The following MFSD12 variants were observed in gnomAD, a reference collection of about 807,000 sequenced individuals.
MFSD12 encodes the protein major facilitator superfamily domain containing 12, also known as major facilitator superfamily domain-containing protein 12.
A neutral mutation model predicts 51.2 loss-of-function variants in MFSD12; 67 were observed. The observed-to-expected ratio is 1.31, with a 90% CI of 1.08 to 1.60. MFSD12 has a LOEUF of 1.60. MFSD12 is among the 40% of genes most tolerant of loss of function. The pLI is 0.00. For synonymous variants in MFSD12, 441 were observed against 316.7 expected (o/e 1.39, Z -4.17); for missense variants, 921 against 673.0 (o/e 1.37, Z -4.08).
At chr19:3,541,778 A>G, downstream of MFSD12, 1 of 985,256 alleles carries the variant, frequency 1.0e-6, no homozygotes. Flanking sequence ...AGCAGGGGTG[A>G]GGGGCTCATT....
Position 3,544,825 on chromosome 19 carries a change from C to CT in MFSD12, c.1403_1404insA (p.Thr469AspfsTer9). ...AGGACTCACAGCGTCGCAGGCGGGT[C>CT]GGCCACAGCAGGAGGCTACAGAGAC... On this transcript the variant is annotated frameshift_variant, in exon 9 of 10. Coordinates refer to ENST00000355415, the MANE Select transcript of MFSD12 (RefSeq NM_174983.5). LOFTEE classifies it high-confidence loss of function. 6 of 1,612,296 alleles carry CT rather than the reference C, an allele frequency of 3.7e-6. No homozygotes were observed. Among genetic ancestry groups the CT allele is most frequent in the Non-Finnish European group, 5.1e-6 (6 of 1,179,496 alleles).
chr19:3,541,185 A>AG, downstream of MFSD12, among the ~76,000 whole-genome samples: 1 of 149,328 alleles, frequency 6.7e-6, no homozygotes. Context: ...AAAAAAAAAA[A>AG]ATCAACCAGG....
chr19:3,543,929 C>A (rs544229516), downstream of MFSD12: 50 of 1,551,288 alleles, frequency 3.2e-5, 1 homozygote, highest in South Asian at 5.7e-4. Flanking sequence ...CCACCCAGAA[C>A]TACCGGGAGT....
downstream of MFSD12, chr19:3,543,356 A>G: frequency 4.5e-6 from 7 of 1,549,466 alleles, no homozygotes; most frequent in Non-Finnish European, 6.1e-6. Flanking sequence ...AGGCCTGACC[A>G]ACTCGGACGC....
chr19:3,547,535 A>T lies in MFSD12; in HGVS notation c.850T>A (p.Tyr284Asn). Residue 284 changes from tyrosine to asparagine, a missense_variant, in exon 5 of 10, where the codon TAC (tyrosine) becomes AAC (asparagine). Coordinates refer to ENST00000355415, the MANE Select transcript of MFSD12 (RefSeq NM_174983.5). ...EPAFYQVGIL[Y>N]MTTRLIVNLS... ...TTCACGATGAGCCTGGTGGTCATGTACAGTATGCCCACCTGTGGGCAGACC... is the reference window on the plus strand; with the variant it reads ...TTCACGATGAGCCTGGTGGTCATGTTCAGTATGCCCACCTGTGGGCAGACC... The T allele has an allele frequency of 6.2e-7, 1 of 1,611,300 alleles. No individual in the cohort carries two copies. The highest frequency in any genetic ancestry group is 8.5e-7 in the Non-Finnish European group (1 of 1,179,162).
chr19:3,539,110 G>A, intron 4 of MFSD12: 1 of 1,062,046 alleles, frequency 9.4e-7, no homozygotes, highest in Non-Finnish European at 1.4e-6. Context: ...GAGACACTGG[G>A]TGGCCTTTAT....
chr19:3,546,948 C>T (rs2031112006), intron 6 of MFSD12, among the ~76,000 whole-genome samples: 1 of 152,172 alleles, frequency 6.6e-6, no homozygotes, highest in Admixed American at 6.5e-5. Context: ...ATTCTCCTGC[C>T]TCAGCCTCCC....
At chr19:3,543,360 CGGACGCCT>C (rs776066623), downstream of MFSD12, 21 of 1,549,314 alleles carry the variant, frequency 1.4e-5, no homozygotes, top group African/African-American at 2.9e-4. Context: ...CTGACCAACT[CGGACGCCT>C]GGGAAGCCTG....
intron 2 of MFSD12, 70 bp downstream of exon 2, chr19:3,550,914 G>C: frequency 7.5e-7 from 1 of 1,324,742 alleles, no homozygotes; most frequent in Non-Finnish European, 1.1e-6. Flanking sequence ...CGCTCATTAT[G>C]CAGTGCCACT....
Position 3,546,384 on chromosome 19 carries a change from G to C in MFSD12, c.1065C>G (p.Ala355=). ...FSGLLVILAF[A]AWVALAEGLG... is the part of the protein sequence containing the mutation. ...GTCCCTCCGCCAGCGCCACCCAGGCGGCAAAGGCCAGGATCACCAGGAGGC... is the reference window on the plus strand; with the variant it reads ...GTCCCTCCGCCAGCGCCACCCAGGCCGCAAAGGCCAGGATCACCAGGAGGC... The change falls in exon 7 of 10, where the codon GCC becomes GCG. Residue 355 remains alanine, a synonymous_variant. Coordinates refer to ENST00000355415, the MANE Select transcript of MFSD12 (RefSeq NM_174983.5). The C allele has an allele frequency of 6.2e-7, 1 of 1,608,216 alleles. No homozygotes were observed. The highest frequency in any genetic ancestry group is 2.2e-5 in the East Asian group (1 of 44,662).
At chr19:3,540,120 G>T (rs2030249660), downstream of MFSD12, 1 of 122,986 alleles carries the variant, frequency 8.1e-6, no homozygotes, top group Non-Finnish European at 1.6e-5. Context: ...TTTTGAGACA[G>T]TCTCATACTG....
At position 3,551,592 on chromosome 19, in the gene MFSD12, G is replaced by A. The variant is rs891627168; in HGVS notation, c.299-398C>T. Among the ~76,000 whole-genome samples the A allele has an allele frequency of 2.6e-5, 4 of 152,070 alleles. No homozygotes were observed. Among genetic ancestry groups the A allele is most frequent in the South Asian group, 2.1e-4 (1 of 4,826 alleles). ...TGGGCTGGACCCCTCCTTAAGCTCC[G>A]CCATCCTCATCAGCTCCTAAGGTGA... On this transcript the variant is annotated intron_variant, in intron 1 of 9. Coordinates refer to ENST00000355415, the MANE Select transcript of MFSD12 (RefSeq NM_174983.5). This position sits in a 1 kb window ranked among gnomAD's most constrained non-coding sequence, Gnocchi z 4.6.
chr19:3,541,063 G>A (rs1489846998), downstream of MFSD12, among the ~76,000 whole-genome samples: 3 of 150,502 alleles, frequency 2.0e-5, no homozygotes, highest in Non-Finnish European at 4.4e-5. Context: ...CAGCTACTCG[G>A]GAGGCTGAGG....
chr19:3,542,558 C>G, downstream of MFSD12: 2 of 838,510 alleles, frequency 2.4e-6, no homozygotes, highest in Non-Finnish European at 2.9e-6. Context: ...ACTGCAAACT[C>G]CACTTCCTGG....
intron 8 of MFSD12, among the ~76,000 whole-genome samples, chr19:3,545,511 G>A (rs1018203071): frequency 6.6e-6 from 1 of 152,208 alleles, no homozygotes; most frequent in African/African-American, 2.4e-5. Context: ...CCATTGGCCT[G>A]GAATGCTCTG....
At chr19:3,543,627 C>T (rs1403336056), downstream of MFSD12, 8 of 1,544,110 alleles carry the variant, frequency 5.2e-6, no homozygotes, top group Admixed American at 1.6e-4. Context: ...GCCCCCAGCA[C>T]CCGGTGGGGG....
downstream of MFSD12, chr19:3,542,566 T>C (rs2122089861): frequency 1.2e-6 from 1 of 815,718 alleles, no homozygotes. Context: ...CTCCACTTCC[T>C]GGGTTCAAGC....
rs1194603222 is a variant in MFSD12, at chr19:3,547,963, TCCCGGGTG to T, written c.714_721del (p.Thr239GlufsTer172). 1 of 1,597,304 alleles carries T rather than the reference TCCCGGGTG, an allele frequency of 6.3e-7. No homozygotes were observed. The highest frequency in any genetic ancestry group is 8.5e-7 in the Non-Finnish European group (1 of 1,178,440). On this transcript the variant is annotated frameshift_variant, in exon 4 of 10. Transcript: ENST00000355415. LOFTEE classifies it high-confidence loss of function. ...CTCCTCCGCATGCGGCCGGCGCCTCTCCCGGGTGCCCAGGTGGAATAGCAGTGAGAACA... is the reference window on the plus strand; with the variant it reads ...CTCCTCCGCATGCGGCCGGCGCCTCTCCCAGGTGGAATAGCAGTGAGAACA...
rs377276332 is a variant in MFSD12 at position 3,544,726 on chromosome 19, C to A, written c.1427G>T (p.Arg476Leu). 2.1e-6 allele frequency: 3 copies of A among 1,463,228 alleles called. No homozygotes were observed. The highest frequency in any genetic ancestry group is 1.8e-5 in the Admixed American group (1 of 54,574). The allele number at this position is 1,463,228 out of a possible 1,614,324, so 90.6% of individuals were successfully genotyped here. A position where few individuals can be genotyped will look rare whatever the true frequency, so the allele number is the denominator to read the frequency against. Residue 476 changes from arginine to leucine, a missense_variant, in exon 10 of 10, where the codon CGT becomes CTT. Coordinates refer to ENST00000355415, the MANE Select transcript of MFSD12 (RefSeq NM_174983.5). ...LWPTRLRRWD[R>L]DARP ...TGTCAGGAGTCAGGGCCGGGCATCA[C>A]GGTCCCCTGCAAGGGAGGGGTGGAA...
Sources: allele counts gnomAD v4.1 joint callset (sites outside exome capture counted in the v4.1 genomes callset), GRCh38; gene constraint gnomAD v4.1.1; non-coding constraint Gnocchi (gnomAD v3.1); transcripts MANE v1.5; gene names NCBI Gene and HGNC (gene_info 2026-07-23, HGNC 2026-07-21).